ZFP14: variants seen among roughly 807,000 people sequenced by gnomAD.
ZFP14 encodes zinc finger protein 14 homolog.
ZFP14 carries 22 observed loss-of-function variants against 54.5 expected under a neutral mutation model. The observed-to-expected ratio is 0.40, with a 90% CI of 0.29 to 0.58. The LOEUF is 0.58. Among genes scored for constraint, ZFP14 ranks in the 20% least tolerant of loss-of-function variants. ZFP14 has a pLI of 0.39. For missense variants in ZFP14, 470 were observed against 637.8 expected (o/e 0.74, Z 2.83); for synonymous variants, 159 against 204.0 (o/e 0.78, Z 1.88).
chr19:36,360,345 C>G (rs143187205), intron 4 of ZFP14, 90 bp downstream of exon 4: 8 of 1,134,532 alleles, frequency 7.1e-6, no homozygotes, highest in African/African-American at 1.6e-5. Flanking sequence ...GAAGAGAGAC[C>G]CCAACATCTC....
intron 4 of ZFP14, among the ~76,000 whole-genome samples, chr19:36,349,402 C>T (rs912388358): frequency 2.0e-5 from 3 of 151,704 alleles, no homozygotes; most frequent in South Asian, 2.1e-4. Flanking sequence ...CAGTGGCTCA[C>T]GCCTGTAATC....
At chr19:36,346,464 T>A (rs1228486532) in intron 4 of ZFP14, among the ~76,000 whole-genome samples, 1 of 139,310 alleles carries the variant, frequency 7.2e-6, no homozygotes, top group Non-Finnish European at 1.5e-5. Context: ...GAGCTCTCAC[T>A]TTTTTTTTTT....
intron 4 of ZFP14, among the ~76,000 whole-genome samples, chr19:36,357,437 C>G (rs77482569): frequency 0.015 from 2,296 of 152,294 alleles, 21 homozygotes; most frequent in Non-Finnish European, 0.024. Context: ...TCCTGTTTCC[C>G]TCTAAAAACT....
chr19:36,348,429 A>G (rs1174489320), intron 4 of ZFP14, among the ~76,000 whole-genome samples: 1 of 152,138 alleles, frequency 6.6e-6, no homozygotes, highest in Non-Finnish European at 1.5e-5. Flanking sequence ...GTATCAGGGT[A>G]ACACCAGCTG....
chr19:36,349,822 T>C (rs1274648585), intron 4 of ZFP14, among the ~76,000 whole-genome samples: 2 of 150,852 alleles, frequency 1.3e-5, no homozygotes, highest in African/African-American at 4.9e-5. Context: ...GAGACATGGA[T>C]TTGAAGAAGA....
At chr19:36,350,069 T>C (rs1188717521) in intron 4 of ZFP14, among the ~76,000 whole-genome samples, 2 of 135,698 alleles carry the variant, frequency 1.5e-5, no homozygotes, top group African/African-American at 2.7e-5. Flanking sequence ...TGCAGTGAGC[T>C]GAGATTGTGC....
chr19:36,340,071 C>T lies in ZFP14; in HGVS notation c.*153G>A. 3.9e-6 allele frequency: 3 copies of T among 760,488 alleles called. No homozygotes were observed. The highest frequency in any genetic ancestry group is 7.1e-5 in the Admixed American group (2 of 28,036). The allele number at this position is 760,488 out of a possible 1,614,324, so 47.1% of individuals were successfully genotyped here. The stretch of plus-strand genomic sequence containing the variant: ...TCATAGGAATTTGCTGAAGATAAAC[C>T]ATGTTTAAATGGTGTTGGAAGGCTT... On this transcript the variant is annotated 3_prime_UTR_variant, in exon 5 of 5. Transcript: ENST00000270001. The surrounding 1 kb of genome is among the most constrained non-coding windows in gnomAD (Gnocchi z 5.4).
intron 4 of ZFP14, among the ~76,000 whole-genome samples, chr19:36,348,725 A>G (rs1484873940): frequency 6.6e-6 from 1 of 152,112 alleles, no homozygotes; most frequent in East Asian, 1.9e-4. Context: ...TGAACTCCAG[A>G]GTCAGGATTT....
At chr19:36,343,807 AGT>A (rs1331405264) in intron 4 of ZFP14, among the ~76,000 whole-genome samples, 3 of 152,038 alleles carry the variant, frequency 2.0e-5, no homozygotes, top group Non-Finnish European at 4.4e-5. Context: ...ATGGGGGCTG[AGT>A]GTGCTAGCTC....
intron 1 of ZFP14, among the ~76,000 whole-genome samples, chr19:36,373,961 GAAAGAAA>G (rs2031920173): frequency 6.7e-6 from 1 of 149,344 alleles, no homozygotes; most frequent in African/African-American, 2.5e-5. Context: ...AGAAAAAAAT[GAAAGAAA>G]AAAGAAAAGA....
intron 1 of ZFP14, among the ~76,000 whole-genome samples, chr19:36,377,561 A>AC (rs1472731436): frequency 6.6e-6 from 1 of 151,226 alleles, no homozygotes; most frequent in Non-Finnish European, 1.5e-5. Flanking sequence ...AAAAAAAAAA[A>AC]ACTTAAGTAA....
intron 4 of ZFP14, among the ~76,000 whole-genome samples, chr19:36,343,399 C>G (rs987423419): frequency 3.3e-5 from 5 of 151,376 alleles, no homozygotes; most frequent in Admixed American, 6.6e-5. Context: ...ACAAAATGCC[C>G]CACAACTGTT....
intron 4 of ZFP14, among the ~76,000 whole-genome samples, chr19:36,344,327 T>C (rs1045118508): frequency 6.6e-6 from 1 of 152,088 alleles, no homozygotes; most frequent in Non-Finnish European, 1.5e-5. Flanking sequence ...TTCATATTTA[T>C]AACACTTTCT....
At chr19:36,373,322 A>C (rs1036944762) in intron 1 of ZFP14, among the ~76,000 whole-genome samples, 3 of 151,724 alleles carry the variant, frequency 2.0e-5, no homozygotes, top group Non-Finnish European at 4.4e-5. Flanking sequence ...AACAAACAAA[A>C]ACAACTTAAT....
At chr19:36,365,008 T>C (rs1036442216) in intron 2 of ZFP14, among the ~76,000 whole-genome samples, 1 of 120,144 alleles carries the variant, frequency 8.3e-6, no homozygotes, top group Non-Finnish European at 1.7e-5. Flanking sequence ...TTTTTTTTTT[T>C]TTTTTTTTTT....
intron 1 of ZFP14, chr19:36,378,412 C>G (rs2031996643): frequency 6.6e-6 from 1 of 152,228 alleles, no homozygotes. Context: ...AATTTTGCAA[C>G]TGGCTTTATC....
intron 4 of ZFP14, among the ~76,000 whole-genome samples, chr19:36,359,270 A>G (rs1270158437): frequency 2.0e-5 from 3 of 152,146 alleles, no homozygotes; most frequent in African/African-American, 7.2e-5. Flanking sequence ...TGATTTGTTA[A>G]TATTTTATTA....
intron 1 of ZFP14, among the ~76,000 whole-genome samples, chr19:36,371,764 T>C (rs1245672722): frequency 6.6e-6 from 1 of 152,098 alleles, no homozygotes; most frequent in African/African-American, 2.4e-5. Context: ...GAAACCAGCC[T>C]GGGCAACATA....
intron 1 of ZFP14, among the ~76,000 whole-genome samples, chr19:36,368,575 G>T (rs887325763): frequency 1.3e-5 from 2 of 152,156 alleles, no homozygotes; most frequent in African/African-American, 4.8e-5. Flanking sequence ...ATGTGGATCT[G>T]GTCCAGACAC....
Sources: allele counts gnomAD v4.1 joint callset (sites outside exome capture counted in the v4.1 genomes callset), GRCh38; gene constraint gnomAD v4.1.1; non-coding constraint Gnocchi (gnomAD v3.1); transcripts MANE v1.5; gene names NCBI Gene and HGNC (gene_info 2026-07-23, HGNC 2026-07-21).